The following RAD51B variants were observed in gnomAD, a reference collection of about 807,000 sequenced individuals.
The protein encoded by RAD51B is DNA repair protein RAD51 homolog 2.
RAD51B carries 38 observed loss-of-function variants against 42.2 expected under a neutral mutation model. That is an observed-to-expected ratio of 0.90 (90% CI 0.70 to 1.18). RAD51B has a LOEUF of 1.18. RAD51B is among the 50% of genes most tolerant of loss of function. RAD51B has a pLI of 0.00. For synonymous variants in RAD51B, 154 were observed against 145.2 expected, an observed-to-expected ratio of 1.06 and a Z score of -0.43; for missense variants, 373 against 400.7, an observed-to-expected ratio of 0.93 and a Z score of 0.59.
In RAD51B at chr14:68,515,854, C is replaced by T. The variant is rs552052949; in HGVS notation, c.1036+47604C>T. On this transcript the variant is annotated intron_variant, in intron 10 of 10. Transcript: ENST00000487270. ...GTGCTGGAGTGCAGTGGCATGATCTCGGCTCACTGCAAGCTCTGCCTCCCA... is the reference window on the plus strand; with the variant it reads ...GTGCTGGAGTGCAGTGGCATGATCTTGGCTCACTGCAAGCTCTGCCTCCCA... 2.9e-4 allele frequency among the ~76,000 whole-genome samples: 43 copies of T among 148,422 alleles called. 2 individuals carry two copies. The highest frequency in any genetic ancestry group is 9.2e-4 in the African/African-American group (37 of 40,364).
chr14:68,313,952 T>C (rs775584450), intron 8 of RAD51B, among the ~76,000 whole-genome samples: 10 of 152,164 alleles, frequency 6.6e-5, no homozygotes, highest in Admixed American at 3.9e-4. Flanking sequence ...TGGCCTCTGA[T>C]TGCCATAGCC....
intron 11 of RAD51B, among the ~76,000 whole-genome samples, chr14:68,676,213 T>G (rs1161212269): frequency 6.6e-6 from 1 of 152,216 alleles, no homozygotes; most frequent in East Asian, 1.9e-4. Context: ...AGTGCAACTA[T>G]GATCCCACTT....
intron 7 of RAD51B, among the ~76,000 whole-genome samples, chr14:68,245,108 AG>A (rs1435714109): frequency 1.3e-5 from 2 of 152,210 alleles, no homozygotes; most frequent in Non-Finnish European, 2.9e-5. Context: ...CATCTCCTCC[AG>A]ACCTACCCTG....
At chr14:67,938,021 G>A (rs887889962) in intron 7 of RAD51B, among the ~76,000 whole-genome samples, 1 of 152,086 alleles carries the variant, frequency 6.6e-6, no homozygotes, top group Non-Finnish European at 1.5e-5. Flanking sequence ...ATTCTTGACC[G>A]AGGCTTTTCA....
At chr14:67,865,192 G>A (rs2139991566) in intron 5 of RAD51B, 53 bp downstream of exon 5, 1 of 1,445,218 alleles carries the variant, frequency 6.9e-7, no homozygotes, top group Admixed American at 2.2e-5. Context: ...CTTATATACA[G>A]CATGAAACAT....
At chr14:68,499,614 G>A (rs1293404822) in intron 10 of RAD51B, among the ~76,000 whole-genome samples, 1 of 152,194 alleles carries the variant, frequency 6.6e-6, no homozygotes, top group Non-Finnish European at 1.5e-5. Flanking sequence ...AGGATGTTGA[G>A]ATGAGATCAT....
At chr14:68,636,582 C>CA (rs142821866) in intron 10 of RAD51B, among the ~76,000 whole-genome samples, 20 of 97,076 alleles carry the variant, frequency 2.1e-4, no homozygotes, top group East Asian at 1.7e-3. Context: ...GACTCAGTCT[C>CA]AAAAAAAAAA....
intron 8 of RAD51B, among the ~76,000 whole-genome samples, chr14:68,292,552 G>A (rs962504207): frequency 6.6e-6 from 1 of 152,164 alleles, no homozygotes; most frequent in Non-Finnish European, 1.5e-5. Flanking sequence ...ACCAGAGGGT[G>A]GTTTCTAGTT....
At chr14:68,580,619 T>C (rs990608375) in intron 10 of RAD51B, among the ~76,000 whole-genome samples, 1 of 152,178 alleles carries the variant, frequency 6.6e-6, no homozygotes, top group African/African-American at 2.4e-5. Flanking sequence ...ATTTTGTTCT[T>C]AGCTGTAGCC....
At chr14:68,034,321 G>T (rs2076089943) in intron 7 of RAD51B, among the ~76,000 whole-genome samples, 1 of 151,634 alleles carries the variant, frequency 6.6e-6, no homozygotes, top group South Asian at 2.1e-4. Context: ...ACCCAGGTTG[G>T]AGTGCAGTGG....
intron 10 of RAD51B, among the ~76,000 whole-genome samples, chr14:68,605,511 T>G (rs1017625450): frequency 2.0e-5 from 3 of 152,202 alleles, no homozygotes; most frequent in Admixed American, 1.3e-4. Flanking sequence ...GGCTAACAGT[T>G]TAACAAGAAG....
At chr14:68,564,149 T>A (rs1228880768) in intron 10 of RAD51B, among the ~76,000 whole-genome samples, 1 of 152,210 alleles carries the variant, frequency 6.6e-6, no homozygotes, top group Non-Finnish European at 1.5e-5. Flanking sequence ...TAGGCCCTCA[T>A]CAGTTTGGGC....
chr14:68,172,687 G>A (rs2078895859), intron 7 of RAD51B, among the ~76,000 whole-genome samples: 1 of 152,188 alleles, frequency 6.6e-6, no homozygotes, highest in East Asian at 1.9e-4. Flanking sequence ...GAATTAAAAT[G>A]ATGTGACCCG....
intron 7 of RAD51B, among the ~76,000 whole-genome samples, chr14:67,925,408 G>T (rs1249837012): frequency 6.6e-6 from 1 of 152,130 alleles, no homozygotes; most frequent in East Asian, 1.9e-4. Flanking sequence ...GAGTAGCCGG[G>T]ACTACAGGTG....
chr14:68,269,378 G>A (rs1022999793), intron 7 of RAD51B, among the ~76,000 whole-genome samples: 6 of 152,184 alleles, frequency 3.9e-5, no homozygotes, highest in African/African-American at 1.4e-4. Context: ...ACCACCTCTT[G>A]CAGTAATTCC....
chr14:67,914,846 C>T (rs186965362), intron 7 of RAD51B, among the ~76,000 whole-genome samples: 1 of 152,202 alleles, frequency 6.6e-6, no homozygotes, highest in Non-Finnish European at 1.5e-5. Flanking sequence ...CCATCTGAAG[C>T]TGAATAAGGT....
At chr14:68,243,484 C>T (rs1422277494) in intron 7 of RAD51B, among the ~76,000 whole-genome samples, 7 of 151,970 alleles carry the variant, frequency 4.6e-5, no homozygotes, top group Non-Finnish European at 1.0e-4. Context: ...TTATATTTTC[C>T]GAGACCTAGA....
rs570721522 is a variant in RAD51B at position 68,087,148 on chromosome 14, A to AAG, written c.756+199956_756+199957dup. ...GAAACGCCATCTCAAAAAAAAAAAAAAGAGAGAGAGAGATGCCTGTGACAG... is the reference window on the plus strand; with the variant it reads ...GAAACGCCATCTCAAAAAAAAAAAAAAGAGAGAGAGAGAGATGCCTGTGACAG... On this transcript the variant is annotated intron_variant, in intron 7 of 10. Transcript: ENST00000471583. Among the ~76,000 whole-genome samples the AAG allele has an allele frequency of 6.4e-3, 975 of 151,706 alleles. 10 individuals are homozygous for AAG. Among genetic ancestry groups the AAG allele is most frequent in the African/African-American group, 0.022 (909 of 41,328 alleles).
intron 1 of RAD51B, among the ~76,000 whole-genome samples, chr14:67,820,143 C>T (rs561094158): frequency 6.6e-6 from 1 of 152,252 alleles, no homozygotes; most frequent in African/African-American, 2.4e-5. Context: ...CCATCTTCCT[C>T]CCCAGCCCCT....
Sources: allele counts gnomAD v4.1 joint callset (sites outside exome capture counted in the v4.1 genomes callset), GRCh38; gene constraint gnomAD v4.1.1; transcripts MANE v1.5; gene names NCBI Gene and HGNC (gene_info 2026-07-23, HGNC 2026-07-21).